GABRA3: variants seen among roughly 807,000 people sequenced by gnomAD.
GABRA3 encodes gamma-aminobutyric acid receptor subunit alpha-3.
Under a neutral mutation model 30.1 loss-of-function variants are expected in GABRA3, and 10 were observed. The ratio of observed to expected loss-of-function variants is 0.33; its 90% CI spans 0.20 to 0.56. The LOEUF is 0.56. Among genes scored for constraint, GABRA3 ranks in the 20% least tolerant of loss-of-function variants. GABRA3 has a pLI of 0.89. For synonymous variants in GABRA3, 151 were observed against 146.8 expected (o/e 1.03, Z -0.21); for missense variants, 233 against 392.0 (o/e 0.59, Z 3.42).
At chrX:152,349,514 T>C (rs1371481879) in intron 2 of GABRA3, among the ~76,000 whole-genome samples, 1 of 109,047 alleles carries the variant, frequency 9.2e-6, no homozygotes, top group Non-Finnish European at 1.9e-5. Context: ...GACTGGCAAA[T>C]TGGATAAAGA....
chrX:152,384,935 G>GAC (rs748080602), intron 1 of GABRA3, among the ~76,000 whole-genome samples: 104 of 111,180 alleles, frequency 9.4e-4, no homozygotes, highest in African/African-American at 3.2e-3. Context: ...ATGGACAAAA[G>GAC]ACTTAAAAAG....
chrX:152,349,349 T>C (rs1940439655), intron 2 of GABRA3, among the ~76,000 whole-genome samples: 1 of 110,051 alleles, frequency 9.1e-6, no homozygotes, highest in Non-Finnish European at 1.9e-5. Context: ...CGCTGCAAAA[T>C]CATGCCAAAA....
At chrX:152,419,660 A>C (rs1351561842) in intron 1 of GABRA3, among the ~76,000 whole-genome samples, 1 of 111,811 alleles carries the variant, frequency 8.9e-6, no homozygotes, top group Non-Finnish European at 1.9e-5. Context: ...AGATGGCATT[A>C]CCAGTGAATT....
At chrX:152,247,817 A>T (rs1476183060) in intron 5 of GABRA3, among the ~76,000 whole-genome samples, 1 of 111,389 alleles carries the variant, frequency 9.0e-6, no homozygotes, top group Non-Finnish European at 1.9e-5. Flanking sequence ...ATTAAATTTA[A>T]CAAATACATG....
At chrX:152,246,020 G>C (rs959425915) in intron 5 of GABRA3, among the ~76,000 whole-genome samples, 1 of 111,831 alleles carries the variant, frequency 8.9e-6, no homozygotes, top group East Asian at 2.8e-4. Context: ...AGGCAGAGCA[G>C]GTATTTTCAG....
intron 3 of GABRA3, among the ~76,000 whole-genome samples, chrX:152,293,020 A>G (rs184052118): frequency 6.5e-4 from 72 of 111,340 alleles, no homozygotes; most frequent in African/African-American, 2.3e-3. Context: ...AAAAGAATGT[A>G]TATTCTGTTG....
chrX:152,254,068 A>ATTATC (rs1227904641), intron 5 of GABRA3, among the ~76,000 whole-genome samples: 1 of 111,494 alleles, frequency 9.0e-6, no homozygotes, highest in Non-Finnish European at 1.9e-5. Flanking sequence ...TTATATTGTG[A>ATTATC]TTATCTTAAG....
At chrX:152,350,492 C>T (rs1199831617) in intron 2 of GABRA3, among the ~76,000 whole-genome samples, 3 of 110,106 alleles carry the variant, frequency 2.7e-5, no homozygotes, top group Admixed American at 9.7e-5. Context: ...CACAAAAAAC[C>T]CTTCAAAAAA....
At chrX:152,276,204 G>A (rs1445275405) in intron 4 of GABRA3, among the ~76,000 whole-genome samples, 1 of 111,643 alleles carries the variant, frequency 9.0e-6, no homozygotes, top group Non-Finnish European at 1.9e-5. Flanking sequence ...TTTTGCTGAT[G>A]CAGGTGGTGG....
rs149711269 is a variant in GABRA3 at position 152,177,845 on chromosome X, A to G, written c.1144-9282T>C. On this transcript the variant is annotated intron_variant, in intron 9 of 9. Coordinates refer to ENST00000370314, the MANE Select transcript of GABRA3 (RefSeq NM_000808.4). ...AAATGAACACGGAGAGAATACAATA[A>G]TGTTGCTAAGTTGAGCAAGATGAAG... Among the ~76,000 whole-genome samples the G allele has an allele frequency of 3.7e-3, 414 of 112,046 alleles. 5 individuals are homozygous for G. The highest frequency in any genetic ancestry group is 0.013 in the African/African-American group (402 of 30,839).
At chrX:152,336,186 C>G (rs761193912) in intron 3 of GABRA3, among the ~76,000 whole-genome samples, 1 of 109,465 alleles carries the variant, frequency 9.1e-6, no homozygotes, top group South Asian at 4.0e-4. Context: ...ATATCTCCCC[C>G]CCTTCATTTT....
At chrX:152,191,830 G>C (rs1008378075) in intron 8 of GABRA3, among the ~76,000 whole-genome samples, 3 of 111,267 alleles carry the variant, frequency 2.7e-5, no homozygotes, top group Non-Finnish European at 5.6e-5. Context: ...AGTCATCAAG[G>C]CTGATTAGCC....
intron 5 of GABRA3, among the ~76,000 whole-genome samples, chrX:152,246,343 C>T (rs932692066): frequency 5.4e-5 from 6 of 111,482 alleles, no homozygotes; most frequent in African/African-American, 2.0e-4. Flanking sequence ...TATTTCAAGG[C>T]CATGATTTCC....
chrX:152,277,895 A>T (rs1166094467), intron 4 of GABRA3, among the ~76,000 whole-genome samples: 1 of 111,573 alleles, frequency 9.0e-6, no homozygotes, highest in East Asian at 2.8e-4. Flanking sequence ...AGGCTCCCAG[A>T]TAAAGCCTGC....
chrX:152,325,455 C>T (rs772858599), intron 3 of GABRA3, among the ~76,000 whole-genome samples: 17 of 111,555 alleles, frequency 1.5e-4, no homozygotes, highest in African/African-American at 4.9e-4. Flanking sequence ...CAGTAGGGGC[C>T]GACTGACACC....
intron 6 of GABRA3, 80 bp from the exon 7 acceptor site, chrX:152,208,224 C>A (rs753338504): frequency 1.1e-4 from 113 of 1,011,655 alleles, no homozygotes; most frequent in Middle Eastern, 2.7e-4. Context: ...CAAATGAGAT[C>A]GAAATAAAAC....
intron 3 of GABRA3, among the ~76,000 whole-genome samples, chrX:152,304,091 A>G (rs1277783247): frequency 1.8e-5 from 2 of 111,542 alleles, no homozygotes; most frequent in Non-Finnish European, 3.8e-5. Context: ...TGTTTTTTGG[A>G]TGTTTGTATA....
chrX:152,340,554 G>GA (rs1450099689), intron 3 of GABRA3, among the ~76,000 whole-genome samples: 1 of 111,627 alleles, frequency 9.0e-6, no homozygotes, highest in African/African-American at 3.2e-5. Flanking sequence ...TTATGTGTTT[G>GA]AAAAAAGTGT....
At chrX:152,190,778 G>A (rs1937314216) in intron 8 of GABRA3, among the ~76,000 whole-genome samples, 1 of 109,299 alleles carries the variant, frequency 9.1e-6, no homozygotes, top group East Asian at 2.9e-4. Flanking sequence ...ATTCTTTTTT[G>A]GGGGGAGTGT....
Sources: gnomAD v4.1 joint callset for allele counts (sites outside exome capture counted in the v4.1 genomes callset) on GRCh38, gnomAD v4.1.1 for gene constraint, MANE v1.5 for transcripts, NCBI Gene and HGNC (gene_info 2026-07-23, HGNC 2026-07-21) for gene names.